Variants in FAM13B observed in about 807,000 individuals in gnomAD.
FAM13B encodes the protein family with sequence similarity 13 member B, also known as protein FAM13B.
Under a neutral mutation model 117.3 loss-of-function variants are expected in FAM13B, and 60 were observed. That is an observed-to-expected ratio of 0.51 (90% CI 0.42 to 0.63). FAM13B has a LOEUF of 0.63. FAM13B is among the 30% of genes least tolerant of loss of function. FAM13B has a pLI of 0.00. For missense variants in FAM13B, 972 were observed against 1,091.9 expected (o/e 0.89, Z 1.55); for synonymous variants, 332 against 356.1 (o/e 0.93, Z 0.76).
At chr5:137,988,931 A>T (rs765849568) in intron 7 of FAM13B, among the ~76,000 whole-genome samples, 1 of 152,244 alleles carries the variant, frequency 6.6e-6, no homozygotes, top group Non-Finnish European at 1.5e-5. Context: ...TCAGGTGGAG[A>T]AAAACTGATC....
chr5:137,968,219 C>CAAAA (rs61341338), intron 10 of FAM13B, among the ~76,000 whole-genome samples: 2 of 121,328 alleles, frequency 1.6e-5, no homozygotes, highest in Admixed American at 8.7e-5. Context: ...AAGACTGTCT[C>CAAAA]AAAAAAAAAA....
At position 137,939,816 on chromosome 5, in the gene FAM13B, A is replaced by C. The variant is rs1302862201; in HGVS notation, c.*409T>G. On this transcript the variant is annotated 3_prime_UTR_variant, in exon 24 of 24. Transcript: ENST00000689681. Reference sequence around the variant, plus strand: ...TTCAGTCATTCTGTAAGAAAAAGGCAACAGAAGAATTCAGTATGAAGATTT... The same window carrying C: ...TTCAGTCATTCTGTAAGAAAAAGGCCACAGAAGAATTCAGTATGAAGATTT... 4.0e-6 allele frequency: 5 copies of C among 1,234,778 alleles called. No individual in the cohort carries two copies. The highest frequency in any genetic ancestry group is 7.9e-5 in the Admixed American group (2 of 25,320). 76.5% of individuals were successfully genotyped at this position (1,234,778 alleles called of 1,614,324 possible).
At chr5:138,016,050 T>A (rs1354934467) in intron 4 of FAM13B, among the ~76,000 whole-genome samples, 2 of 152,236 alleles carry the variant, frequency 1.3e-5, no homozygotes, top group Non-Finnish European at 2.9e-5. Flanking sequence ...TATCTTAAAT[T>A]CCTTCACAAG....
chr5:138,021,050 T>A lies in FAM13B; in HGVS notation c.-55A>T. On this transcript the variant is annotated 5_prime_UTR_variant, in exon 2 of 24. Transcript: ENST00000689681. ...ACTTACCTTTCAGTACTTAAATACC[T>A]AAGTTTAAAAAATGGCTTCTGCACC... The A allele has an allele frequency of 8.1e-7, 1 of 1,231,538 alleles. No individual in the cohort carries two copies. Among genetic ancestry groups the A allele is most frequent in the South Asian group, 4.1e-5 (1 of 24,306 alleles). 76.3% of individuals were successfully genotyped at this position (1,231,538 alleles called of 1,614,324 possible).
chr5:137,949,330 CA>C (rs1764289770), intron 17 of FAM13B, 146 bp from the exon 18 acceptor site: 2 of 658,606 alleles, frequency 3.0e-6, no homozygotes, highest in Admixed American at 2.7e-5. Context: ...ATTTAAGAAG[CA>C]AAAAACAGCA....
intron 4 of FAM13B, among the ~76,000 whole-genome samples, chr5:138,015,582 A>T (rs188980650): frequency 4.1e-4 from 63 of 152,320 alleles, no homozygotes; most frequent in Admixed American, 1.2e-3. Flanking sequence ...ACACACCTGT[A>T]GTCCCTGCTA....
rs968267800 is a variant in FAM13B, at chr5:137,939,967, C to A, written c.*258G>T. On this transcript the variant is annotated 3_prime_UTR_variant, in exon 24 of 24. Coordinates refer to ENST00000689681, the MANE Select transcript of FAM13B (RefSeq NM_001385994.1). ...TTGCTAAAAGGATGTATCTGTAGTA[C>A]AAAACAATGAAGTAAACCATATGTT... 139 of 1,508,362 alleles carry A rather than the reference C, an allele frequency of 9.2e-5. No homozygotes were observed. In the Middle Eastern group the frequency reaches 1.0e-3, roughly 11 times the overall value. The allele number at this position is 1,508,362 out of a possible 1,614,324, so 93.4% of individuals were successfully genotyped here.
At chr5:138,002,947 T>G (rs1781654874) in intron 7 of FAM13B, among the ~76,000 whole-genome samples, 1 of 151,882 alleles carries the variant, frequency 6.6e-6, no homozygotes, top group African/African-American at 2.4e-5. Flanking sequence ...GTGCTGGGAT[T>G]ACAGGTGTGA....
intron 1 of FAM13B, among the ~76,000 whole-genome samples, chr5:138,043,480 G>T (rs1344620085): frequency 7.3e-6 from 1 of 137,356 alleles, no homozygotes; most frequent in Admixed American, 8.0e-5. Context: ...TTGCTCTGTC[G>T]CCAGGCCGAA....
In FAM13B at chr5:138,011,934, C is replaced by T; in HGVS notation, c.382G>A (p.Glu128Lys). 6.3e-7 allele frequency: 1 copy of T among 1,581,220 alleles called. No individual in the cohort carries two copies. Reference sequence around the variant, plus strand: ...CTCAACTTTCTTCCAAATTCATCTTCATTATTATAATCTATAAAACAATAA... The same window carrying T: ...CTCAACTTTCTTCCAAATTCATCTTTATTATTATAATCTATAAAACAATAA... ...LMQLSQDYNN[E>K]DEFGRKLRFL... The change falls in exon 5 of 24, where the codon GAA (glutamate) becomes AAA (lysine). Residue 128 changes from glutamate to lysine, a missense_variant. Glu to Lys is a moderately conservative substitution (Grantham distance 56). Transcript: ENST00000689681.
chr5:138,050,528 T>G (rs1423514317), intron 1 of FAM13B, among the ~76,000 whole-genome samples: 1 of 152,086 alleles, frequency 6.6e-6, no homozygotes. Context: ...ACTTGGAAGG[T>G]TCTATGCCAG....
intron 1 of FAM13B, among the ~76,000 whole-genome samples, chr5:138,051,391 C>T (rs1414347072): frequency 1.3e-5 from 2 of 152,168 alleles, no homozygotes. Flanking sequence ...CCAAACCTAC[C>T]TCCAAAGAGG....
At chr5:138,022,993 G>T (rs10076938) in intron 1 of FAM13B, among the ~76,000 whole-genome samples, 35,005 of 151,696 alleles carry the variant, frequency 0.23, 4,255 homozygotes, top group African/African-American at 0.29. Flanking sequence ...ATACCCAGCT[G>T]TATTTTTAGT....
At chr5:137,973,284 T>G (rs71589390) in intron 10 of FAM13B, among the ~76,000 whole-genome samples, 99 of 152,072 alleles carry the variant, frequency 6.5e-4, no homozygotes, top group South Asian at 6.2e-4. Context: ...GAACAGAACA[T>G]AGCCCTCAGA....
At chr5:137,999,030 C>A (rs1780527322) in intron 7 of FAM13B, among the ~76,000 whole-genome samples, 1 of 152,208 alleles carries the variant, frequency 6.6e-6, no homozygotes, top group African/African-American at 2.4e-5. Context: ...GGTGGCCCCT[C>A]CTTTGCATTT....
chr5:137,973,039 T>C (rs2150414324), intron 10 of FAM13B, among the ~76,000 whole-genome samples: 1 of 152,210 alleles, frequency 6.6e-6, no homozygotes, highest in East Asian at 1.9e-4. Context: ...CTGCCCAAGG[T>C]AATTTATAGA....
In FAM13B at chr5:137,940,333, C is replaced by T. The variant is rs1490283677; in HGVS notation, c.2706G>A (p.Glu902=). ...YQQNGRNAQK[E]DRVPVLEEYR... Reference sequence around the variant, plus strand: ...ACTCCTCAAGCACTGGAACACGATCCTCTTTCTGGGCATTCCTAGGGGAGA... The same window carrying T: ...ACTCCTCAAGCACTGGAACACGATCTTCTTTCTGGGCATTCCTAGGGGAGA... The change falls in exon 24 of 24, where the codon GAG becomes GAA. Residue 902 remains glutamate (E), a synonymous_variant. Transcript: ENST00000689681. The T allele has an allele frequency of 6.2e-7, 1 of 1,604,248 alleles. No individual in the cohort carries two copies. The highest frequency in any genetic ancestry group is 1.7e-5 in the Admixed American group (1 of 58,904).
rs1321690157 is a variant in FAM13B at position 138,042,621 on chromosome 5, T to A, written c.-203+9257A>T. ...AATCATCATGTTTAGGGATACAAAT[T>A]AGGGGAAAAACTTAAAAGAAAAAAA... On this transcript the variant is annotated intron_variant, in intron 1 of 3. Transcript: ENST00000502471. Among the ~76,000 whole-genome samples, 15 of 123,382 alleles carry A rather than the reference T, an allele frequency of 1.2e-4. No individual in the cohort carries two copies. The Admixed American group carries it at 1.5e-3, about 13-fold the overall frequency. 80.9% of individuals were successfully genotyped at this position (123,382 alleles called of 152,430 possible). A position where few individuals can be genotyped will look rare whatever the true frequency, so the allele number is the denominator to read the frequency against.
intron 1 of FAM13B, among the ~76,000 whole-genome samples, chr5:138,022,909 G>A (rs905924122): frequency 1.3e-5 from 2 of 151,144 alleles, no homozygotes; most frequent in East Asian, 3.9e-4. Context: ...GCTCACTGCA[G>A]CCTCAAACTC....
Sources: allele counts gnomAD v4.1 joint callset (sites outside exome capture counted in the v4.1 genomes callset), GRCh38; gene constraint gnomAD v4.1.1; transcripts MANE v1.5; gene names NCBI Gene and HGNC (gene_info 2026-07-23, HGNC 2026-07-21).